RAI1: variants seen among roughly 807,000 people sequenced by gnomAD.
RAI1 encodes the protein retinoic acid-induced protein 1.
Under a neutral mutation model 123.8 loss-of-function variants are expected in RAI1, and 9 were observed. The observed-to-expected ratio is 0.07, with a 90% CI of 0.04 to 0.13. The LOEUF (loss-of-function observed/expected upper bound fraction) is 0.13, where lower values mean the gene tolerates loss of function less well. RAI1 is among the 10% of genes least tolerant of loss of function. The pLI is 1.00. For synonymous variants in RAI1, 1,231 were observed against 1,127.3 expected (o/e 1.09, Z -1.84); for missense variants, 2,256 against 2,545.8 (o/e 0.89, Z 2.45).
chr17:17,745,181 AC>A (rs1475368153), intron 2 of RAI1, among the ~76,000 whole-genome samples: 1 of 151,956 alleles, frequency 6.6e-6, no homozygotes, highest in East Asian at 1.9e-4. Flanking sequence ...GTGAACTGGG[AC>A]TCCACAGAGA....
At chr17:17,707,691 C>T (rs1424179021) in intron 1 of RAI1, among the ~76,000 whole-genome samples, 1 of 152,198 alleles carries the variant, frequency 6.6e-6, no homozygotes, top group Non-Finnish European at 1.5e-5. Context: ...CTCCCAGGCT[C>T]TAGTGGTCCT....
rs143944475 is a variant in RAI1, at chr17:17,794,814, C to T, written c.1866C>T (p.Ala622=). The T allele has an allele frequency of 8.6e-5, 138 of 1,613,024 alleles. No individual in the cohort carries two copies. In the African/African-American group the frequency reaches 1.3e-3, roughly 15 times the overall value. ...TGCAGGAAGCCATCGGTGAGAAGGC[C>T]GACAAAGCTTGGGCTGAAGCACCCA... ...LGLQEAIGEK[A]DKAWAEAPSL... is the part of the protein sequence containing the mutation. Residue 622 remains alanine (A), a synonymous_variant, in exon 3 of 6, where the codon GCC becomes GCT. Coordinates refer to ENST00000353383, the MANE Select transcript of RAI1 (RefSeq NM_030665.4).
Position 17,797,528 on chromosome 17 carries a change from G to A in RAI1, c.4580G>A (p.Gly1527Asp). ...QPQTRAQKQP[G>D]HTNYSSYSKR... ...CAGACAAGGGCACAGAAACAGCCAGGCCACACCAACTACAGCAGCTATTCC... is the reference window on the plus strand; with the variant it reads ...CAGACAAGGGCACAGAAACAGCCAGACCACACCAACTACAGCAGCTATTCC... Residue 1527 changes from glycine (G) to aspartate (D), a missense_variant, in exon 3 of 6, where the codon GGC (glycine) becomes GAC (aspartate). Gly to Asp is a moderately conservative substitution (Grantham distance 94). Around this residue, in one of 7 missense-constraint regions of RAI1, gnomAD observed 410 missense variants for 374.6 expected, o/e 1.09. Transcript: ENST00000353383. The A allele has an allele frequency of 1.2e-6, 2 of 1,613,962 alleles. No homozygotes were observed. The highest frequency in any genetic ancestry group is 1.3e-5 in the African/African-American group (1 of 75,064).
At chr17:17,766,094 A>G (rs540041179) in intron 2 of RAI1, 9 of 152,306 alleles carry the variant, frequency 5.9e-5, no homozygotes, top group African/African-American at 2.2e-4. Flanking sequence ...GTGAACTCAC[A>G]TTGTAGTGTC....
chr17:17,784,599 G>A (rs1460921545), intron 2 of RAI1, among the ~76,000 whole-genome samples: 1 of 152,180 alleles, frequency 6.6e-6, no homozygotes, highest in Admixed American at 6.5e-5. Flanking sequence ...CTTAACAGCT[G>A]GTCTTGTAGG....
intron 1 of RAI1, chr17:17,684,710 A>C (rs976974422): frequency 6.9e-6 from 1 of 144,004 alleles, no homozygotes; most frequent in Non-Finnish European, 1.5e-5. Context: ...ATATATATGT[A>C]TGTATGTATG....
At chr17:17,689,377 T>C (rs896065828) in intron 1 of RAI1, among the ~76,000 whole-genome samples, 2 of 152,154 alleles carry the variant, frequency 1.3e-5, no homozygotes, top group African/African-American at 4.8e-5. Flanking sequence ...GGCAGATGGA[T>C]TGAGTGGGTC....
At chr17:17,729,374 C>T (rs533954626) in intron 2 of RAI1, among the ~76,000 whole-genome samples, 1 of 152,334 alleles carries the variant, frequency 6.6e-6, no homozygotes, top group Middle Eastern at 3.4e-3. Flanking sequence ...GGTTCACAAG[C>T]GTGGCAGATC....
At chr17:17,703,531 C>T (rs1158745151) in intron 1 of RAI1, among the ~76,000 whole-genome samples, 1 of 152,126 alleles carries the variant, frequency 6.6e-6, no homozygotes, top group Non-Finnish European at 1.5e-5. Context: ...GGTGTTGGCT[C>T]CGGCTCTGGG....
chr17:17,686,547 C>T (rs1233404689), intron 1 of RAI1, among the ~76,000 whole-genome samples: 1 of 149,302 alleles, frequency 6.7e-6, no homozygotes, highest in East Asian at 2.0e-4. Context: ...GGACAGATTT[C>T]GCTCCACTGG....
intron 1 of RAI1, among the ~76,000 whole-genome samples, chr17:17,687,396 T>G (rs2142858464): frequency 6.6e-6 from 1 of 152,128 alleles, no homozygotes; most frequent in East Asian, 1.9e-4. Flanking sequence ...TGGACCCAAG[T>G]CACCCACTCC....
intron 2 of RAI1, among the ~76,000 whole-genome samples, chr17:17,746,102 TC>T (rs1275319315): frequency 1.3e-5 from 2 of 151,814 alleles, no homozygotes; most frequent in Non-Finnish European, 2.9e-5. Context: ...CCAGCACCTG[TC>T]AGCCCCGAGC....
intron 2 of RAI1, among the ~76,000 whole-genome samples, chr17:17,742,227 C>T (rs930697789): frequency 1.3e-4 from 20 of 152,222 alleles, no homozygotes; most frequent in African/African-American, 4.8e-4. Flanking sequence ...GCCCTGCTTG[C>T]CCCACCCTGG....
chr17:17,713,839 G>C (rs1029732324), intron 1 of RAI1, among the ~76,000 whole-genome samples: 1 of 152,118 alleles, frequency 6.6e-6, no homozygotes, highest in East Asian at 1.9e-4. Flanking sequence ...ACTTGGAGGG[G>C]CTCAGCCTCT....
chr17:17,731,237 G>A (rs1028639210), intron 2 of RAI1, among the ~76,000 whole-genome samples: 4 of 152,216 alleles, frequency 2.6e-5, no homozygotes, highest in South Asian at 2.1e-4. Flanking sequence ...TTCATGCCTC[G>A]TTTACAGGCT....
chr17:17,796,596 C>A lies in RAI1; in HGVS notation c.3648C>A (p.Asp1216Glu). The change falls in exon 3 of 6, where the codon GAC (aspartate) becomes GAA (glutamate). Residue 1216 changes from aspartate to glutamate, a missense_variant. Asp to Glu is a conservative substitution (Grantham distance 45). This residue lies in a region of RAI1 where 322 missense variants were observed against 358.0 expected (regional missense o/e 0.90). Transcript: ENST00000353383. The surrounding 1 kb of genome is among the most constrained non-coding windows in gnomAD (Gnocchi z 5.8). ...PKPGAGSKLS[D>E]RPLHALKRKS... ...CTGGTGCAGGCAGCAAGCTCTCTGA[C>A]CGGCCCCTCCATGCGCTCAAAAGGA... 6.2e-7 allele frequency: 1 copy of A among 1,612,090 alleles called. No homozygotes were observed. The highest frequency in any genetic ancestry group is 8.5e-7 in the Non-Finnish European group (1 of 1,179,970).
intron 2 of RAI1, among the ~76,000 whole-genome samples, chr17:17,784,851 G>A (rs1401955554): frequency 2.6e-5 from 4 of 152,226 alleles, no homozygotes; most frequent in Admixed American, 1.3e-4. Flanking sequence ...AAGGCCCAGA[G>A]AATTTGGCAG....
chr17:17,750,703 A>G (rs1423973262), intron 2 of RAI1, among the ~76,000 whole-genome samples: 3 of 151,236 alleles, frequency 2.0e-5, no homozygotes, highest in East Asian at 1.9e-4. Flanking sequence ...AAAAAAAAAA[A>G]AAAAAAAAAA....
chr17:17,796,898 A>G lies in RAI1; in HGVS notation c.3950A>G (p.Lys1317Arg). The change falls in exon 3 of 6, where the codon AAG (lysine) becomes AGG (arginine). Residue 1317 changes from lysine (K) to arginine (R), a missense_variant. Coordinates refer to ENST00000353383, the MANE Select transcript of RAI1 (RefSeq NM_030665.4). The surrounding 1 kb of genome is among the most constrained non-coding windows in gnomAD (Gnocchi z 5.8). ...RAAFQGAMKT[K>R]VLPPRKGRGL... ...GCCTTCCAGGGGGCCATGAAGACCA[A>G]GGTGCTGCCACCCCGGAAGGGCCGG... 1 of 1,613,326 alleles carries G rather than the reference A, an allele frequency of 6.2e-7. No homozygotes were observed. Among genetic ancestry groups the G allele is most frequent in the Non-Finnish European group, 8.5e-7 (1 of 1,180,020 alleles).
Sources: allele counts gnomAD v4.1 joint callset (sites outside exome capture counted in the v4.1 genomes callset), GRCh38; gene constraint gnomAD v4.1.1; regional missense constraint gnomAD v4.1.1; non-coding constraint Gnocchi (gnomAD v3.1); transcripts MANE v1.5; gene names NCBI Gene and HGNC (gene_info 2026-07-23, HGNC 2026-07-21).